Variants in DOCK2 observed in about 807,000 individuals in gnomAD.
DOCK2 encodes dedicator of cytokinesis protein 2.
Under a neutral mutation model 248.9 loss-of-function variants are expected in DOCK2, and 87 were observed. The ratio of observed to expected loss-of-function variants is 0.35; its 90% CI spans 0.29 to 0.42. The LOEUF (loss-of-function observed/expected upper bound fraction) is 0.42, where lower values mean the gene tolerates loss of function less well. Ranked by LOEUF, DOCK2 falls within the 10% of genes least tolerant of loss-of-function variation. DOCK2 has a pLI of 1.00. For synonymous variants in DOCK2, 805 were observed against 821.6 expected, an observed-to-expected ratio of 0.98 and a Z score of 0.35; for missense variants, 1,747 against 2,300.2, an observed-to-expected ratio of 0.76 and a Z score of 4.92.
intron 22 of DOCK2, among the ~76,000 whole-genome samples, chr5:169,723,549 C>T (rs926902223): frequency 3.3e-5 from 5 of 151,972 alleles, no homozygotes; most frequent in Non-Finnish European, 7.4e-5. Flanking sequence ...TACGGAGGAC[C>T]CCATTTTCTG....
chr5:169,885,434 G>A (rs1240812476), intron 27 of DOCK2, among the ~76,000 whole-genome samples: 2 of 152,208 alleles, frequency 1.3e-5, no homozygotes, highest in Non-Finnish European at 2.9e-5. Context: ...GAAGGTCCTA[G>A]GGTATCCTGC....
rs893987798 is a variant in DOCK2 at position 169,674,324 on chromosome 5, G to A, written c.349G>A (p.Val117Met). Residue 117 changes from valine (V) to methionine (M), a missense_variant, in exon 6 of 52, where the codon GTG becomes ATG. Transcript: ENST00000520908. ...CAGCAAAAAGGAGCGTTTTCTCCAGGTGCAGTCCATGATGTACGATCTGAT... is the reference window on the plus strand; with the variant it reads ...CAGCAAAAAGGAGCGTTTTCTCCAGATGCAGTCCATGATGTACGATCTGAT... ...VASKKERFLQ[V>M]QSMMYDLMEW... 25 of 1,613,952 alleles carry A rather than the reference G, an allele frequency of 1.5e-5. No individual in the cohort carries two copies. In the Admixed American group the frequency reaches 3.5e-4, roughly 23 times the overall value.
At chr5:169,671,022 A>T in intron 4 of DOCK2, 56 bp from the exon 5 acceptor site, 1 of 1,521,456 alleles carries the variant, frequency 6.6e-7, no homozygotes, top group Non-Finnish European at 9.1e-7. Context: ...TTGGTGTTTT[A>T]TCTTGTTAGC....
intron 8 of DOCK2, 29 bp from the exon 9 acceptor site, chr5:169,689,222 AG>A: frequency 1.2e-6 from 2 of 1,611,168 alleles, no homozygotes; most frequent in Non-Finnish European, 1.7e-6. Context: ...GTCCCTTGGC[AG>A]TAACGGGCTG....
chr5:169,889,396 G>T (rs1773159749), intron 27 of DOCK2, among the ~76,000 whole-genome samples: 2 of 152,204 alleles, frequency 1.3e-5, no homozygotes, highest in Admixed American at 1.3e-4. Context: ...ATACTGTGGA[G>T]ATTCCAAGGA....
chr5:169,698,690 C>A (rs1044758428), intron 11 of DOCK2, among the ~76,000 whole-genome samples: 2 of 152,234 alleles, frequency 1.3e-5, no homozygotes, highest in African/African-American at 4.8e-5. Context: ...CTGGCAGAGG[C>A]TGGCACTGTG....
At chr5:170,001,648 C>G (rs1754836443) in intron 30 of DOCK2, among the ~76,000 whole-genome samples, 1 of 152,138 alleles carries the variant, frequency 6.6e-6, no homozygotes, top group African/African-American at 2.4e-5. Context: ...ATGCAGTGTG[C>G]TTGGTTCGTT....
At chr5:170,014,211 T>C (rs1242067683) in intron 32 of DOCK2, among the ~76,000 whole-genome samples, 127 of 152,138 alleles carry the variant, frequency 8.3e-4, no homozygotes, top group African/African-American at 2.9e-3. Flanking sequence ...GCCATCCGTC[T>C]ATTTGTTTAC....
rs370245029 is a variant in DOCK2, at chr5:169,689,324, G to C, written c.834G>C (p.Val278=). ...TTGAGATGCTCAACAATCTGAAGGTGGTCTTCACGGTGAGTGTGCACCCTC... is the reference window on the plus strand; with the variant it reads ...TTGAGATGCTCAACAATCTGAAGGTCGTCTTCACGGTGAGTGTGCACCCTC... ...KEIEMLNNLK[V]VFTDLGNKDL... The change falls in exon 9 of 52, where the codon GTG becomes GTC. Residue 278 remains valine, a synonymous_variant. Coordinates refer to ENST00000520908, the MANE Select transcript of DOCK2 (RefSeq NM_004946.3). 59 of 1,613,856 alleles carry C rather than the reference G, an allele frequency of 3.7e-5. No individual in the cohort carries two copies. Among genetic ancestry groups the C allele is most frequent in the Non-Finnish European group, 5.0e-5 (59 of 1,179,962 alleles).
At chr5:169,712,308 A>G (rs1761636429) in intron 17 of DOCK2, 85 bp downstream of exon 17, 7 of 1,202,566 alleles carry the variant, frequency 5.8e-6, no homozygotes, top group Non-Finnish European at 8.5e-6. Flanking sequence ...GGTCAACAGC[A>G]GGGACCCCAG....
At chr5:169,683,991 A>T (rs1240960006) in intron 7 of DOCK2, among the ~76,000 whole-genome samples, 1 of 152,190 alleles carries the variant, frequency 6.6e-6, no homozygotes, top group African/African-American at 2.4e-5. Context: ...GTCTGGGTCA[A>T]TGGTGACATT....
At chr5:169,900,389 AATGG>A (rs1291619247) in intron 27 of DOCK2, among the ~76,000 whole-genome samples, 1 of 152,158 alleles carries the variant, frequency 6.6e-6, no homozygotes, top group Admixed American at 6.5e-5. Flanking sequence ...CTAGACGTGA[AATGG>A]AAGTTTTTCC....
chr5:169,905,955 C>T (rs1267320656), intron 27 of DOCK2, among the ~76,000 whole-genome samples: 1 of 152,210 alleles, frequency 6.6e-6, no homozygotes, highest in Non-Finnish European at 1.5e-5. Context: ...CTGTTGCCTT[C>T]GTTCAGAAAG....
Position 169,696,011 on chromosome 5 carries a change from T to C in DOCK2, c.979+73T>C, listed in dbSNP as rs1305121891. 4.7e-6 allele frequency: 7 copies of C among 1,496,850 alleles called. No homozygotes were observed. In the East Asian group the frequency reaches 1.0e-4, roughly 21 times the overall value. The allele number at this position is 1,496,850 out of a possible 1,614,324, so 92.7% of individuals were successfully genotyped here. A position where few individuals can be genotyped will look rare whatever the true frequency, so the allele number is the denominator to read the frequency against. The stretch of plus-strand genomic sequence containing the variant: ...TATGTGGCTGAATTGTAATGATGAT[T>C]TGTTTCCCAACCGCCTCCTGCTGCC... On this transcript the variant is annotated intron_variant, in intron 10 of 51. Coordinates refer to ENST00000520908, the MANE Select transcript of DOCK2 (RefSeq NM_004946.3).
intron 36 of DOCK2, among the ~76,000 whole-genome samples, chr5:170,037,166 T>C (rs1756349963): frequency 6.6e-6 from 1 of 151,986 alleles, no homozygotes; most frequent in South Asian, 2.1e-4. Context: ...ACTTATAAAA[T>C]ATGGGCAAGC....
At chr5:169,770,599 C>A (rs1040080129) in intron 25 of DOCK2, among the ~76,000 whole-genome samples, 1 of 152,156 alleles carries the variant, frequency 6.6e-6, no homozygotes, top group Non-Finnish European at 1.5e-5. Flanking sequence ...TGCACCCAGC[C>A]TCTTGAATCT....
At chr5:169,683,396 A>T (rs1561596631) in intron 7 of DOCK2, among the ~76,000 whole-genome samples, 1 of 151,522 alleles carries the variant, frequency 6.6e-6, no homozygotes. Context: ...TGCCTGGCTA[A>T]TTTTTTTTAT....
At chr5:169,755,924 C>G (rs1764172965) in intron 23 of DOCK2, among the ~76,000 whole-genome samples, 1 of 152,138 alleles carries the variant, frequency 6.6e-6, no homozygotes, top group African/African-American at 2.4e-5. Context: ...CCCAGTGTGT[C>G]AGGGCAAGAC....
intron 26 of DOCK2, among the ~76,000 whole-genome samples, chr5:169,828,728 G>T (rs945689874): frequency 2.0e-5 from 3 of 152,192 alleles, no homozygotes; most frequent in African/African-American, 7.2e-5. Context: ...GCCCAGAAGC[G>T]TCCAGATCCT....
Sources: allele counts gnomAD v4.1 joint callset (sites outside exome capture counted in the v4.1 genomes callset), GRCh38; gene constraint gnomAD v4.1.1; transcripts MANE v1.5; gene names NCBI Gene and HGNC (gene_info 2026-07-23, HGNC 2026-07-21).